The following PLA2R1 variants were observed in gnomAD, a reference collection of about 807,000 sequenced individuals.
PLA2R1 encodes the protein secretory phospholipase A2 receptor.
PLA2R1 carries 158 observed loss-of-function variants against 195.9 expected under a neutral mutation model. That is an observed-to-expected ratio of 0.81 (90% CI 0.71 to 0.92). PLA2R1 has a LOEUF of 0.92. Among genes scored for constraint, PLA2R1 ranks in the 40% least tolerant of loss-of-function variants. The pLI is 0.00. For missense variants in PLA2R1, 1,626 were observed against 1,764.6 expected, an observed-to-expected ratio of 0.92 and a Z score of 1.41; for synonymous variants, 586 against 598.2, an observed-to-expected ratio of 0.98 and a Z score of 0.30.
Position 159,994,866 on chromosome 2 carries a change from G to A in PLA2R1, c.1835-7508C>T, listed in dbSNP as rs192245762. ...GAAATGCGTGACAGGAATGATAGGA[G>A]GGATGAGAGGGACTTTGGGTGGTTC... On this transcript the variant is annotated intron_variant, in intron 11 of 29. Transcript: ENST00000283243. Among the ~76,000 whole-genome samples the A allele has an allele frequency of 2.8e-3, 421 of 152,072 alleles. 5 individuals carry two copies. The highest frequency in any genetic ancestry group is 0.01 in the Middle Eastern group (3 of 294).
chr2:159,954,062 G>A (rs1044970283), intron 23 of PLA2R1, among the ~76,000 whole-genome samples: 9 of 152,164 alleles, frequency 5.9e-5, no homozygotes, highest in African/African-American at 2.2e-4. Context: ...TTGAACTCCT[G>A]AGCTCAGTCA....
At chr2:159,966,608 G>A (rs1475380380) in intron 20 of PLA2R1, among the ~76,000 whole-genome samples, 1 of 152,154 alleles carries the variant, frequency 6.6e-6, no homozygotes, top group East Asian at 1.9e-4. Context: ...CAATGAATGT[G>A]TGAAAAATCC....
At chr2:160,051,650 G>A (rs980183874) in intron 1 of PLA2R1, among the ~76,000 whole-genome samples, 1 of 152,192 alleles carries the variant, frequency 6.6e-6, no homozygotes, top group Non-Finnish European at 1.5e-5. Flanking sequence ...TCTGTAGCAG[G>A]AAGGAATACT....
intron 10 of PLA2R1, among the ~76,000 whole-genome samples, chr2:160,012,118 C>T (rs1692405486): frequency 6.6e-6 from 1 of 152,142 alleles, no homozygotes; most frequent in African/African-American, 2.4e-5. Flanking sequence ...TACAGGAATT[C>T]CTCTACAAAT....
At chr2:159,953,983 G>A (rs1402281574) in intron 23 of PLA2R1, among the ~76,000 whole-genome samples, 1 of 152,098 alleles carries the variant, frequency 6.6e-6, no homozygotes, top group Non-Finnish European at 1.5e-5. Context: ...ACAGGCACCT[G>A]CCACCACGCC....
chr2:159,949,671 C>T lies in PLA2R1; in HGVS notation c.3646G>A (p.Gly1216Arg), dbSNP rs140818982. 3.1e-5 allele frequency: 50 copies of T among 1,613,976 alleles called. No individual in the cohort carries two copies. In the African/African-American group the frequency reaches 4.9e-4, roughly 16 times the overall value. The change falls in exon 25 of 30, where the codon GGA becomes AGA. Residue 1216 changes from glycine (G) to arginine (R), a missense_variant. Physicochemically the swap from Gly to Arg is moderately radical, Grantham distance 125. Coordinates refer to ENST00000283243, the MANE Select transcript of PLA2R1 (RefSeq NM_007366.5). ...TCGCAGGCTGTGCTATGCCAGCGTC[C>T]GTTGCTGTCGGCAAAAACGCAGTCA... ...LGDCVFADSN[G>R]RWHSTACESF...
intron 1 of PLA2R1, among the ~76,000 whole-genome samples, chr2:160,059,507 C>T (rs781323506): frequency 1.3e-5 from 2 of 152,180 alleles, no homozygotes; most frequent in Non-Finnish European, 2.9e-5. Context: ...GAGCTACTGA[C>T]TGGCAAAATA....
intron 28 of PLA2R1, among the ~76,000 whole-genome samples, chr2:159,942,652 C>T (rs1365689558): frequency 6.6e-6 from 1 of 152,186 alleles, no homozygotes; most frequent in African/African-American, 2.4e-5. Context: ...ATCTTCTCAC[C>T]TTTGTGATCT....
downstream of PLA2R1, among the ~76,000 whole-genome samples, chr2:159,927,352 G>C (rs1340270519): frequency 6.6e-6 from 1 of 152,096 alleles, no homozygotes; most frequent in East Asian, 1.9e-4. Flanking sequence ...GATCAGGTTG[G>C]ATGCAAATCA....
intron 11 of PLA2R1, among the ~76,000 whole-genome samples, chr2:159,988,128 A>G (rs1360439933): frequency 6.8e-6 from 1 of 146,748 alleles, no homozygotes; most frequent in Non-Finnish European, 1.5e-5. Flanking sequence ...TAAGATTGTC[A>G]GCAAAATCTA....
At position 159,984,078 on chromosome 2, in the gene PLA2R1, A is replaced by G. The variant is rs1690155194; in HGVS notation, c.2038-5T>C. 2 of 1,386,654 alleles carry G rather than the reference A, an allele frequency of 1.4e-6. No individual in the cohort carries two copies. The highest frequency in any genetic ancestry group is 1.9e-5 in the Admixed American group (1 of 51,316). The allele number at this position is 1,386,654 out of a possible 1,614,324, so 85.9% of individuals were successfully genotyped here. ...AACTTTTTCACTATGAAATACCTGT[A>G]TAGTAAAAGAAAATAAATTAACATT... On this transcript the variant is annotated splice_region_variant and splice_polypyrimidine_tract_variant and intron_variant, in intron 12 of 29. Coordinates refer to ENST00000283243, the MANE Select transcript of PLA2R1 (RefSeq NM_007366.5).
At chr2:160,037,928 G>A (rs775634927) in intron 3 of PLA2R1, among the ~76,000 whole-genome samples, 15 of 152,158 alleles carry the variant, frequency 9.9e-5, no homozygotes, top group Non-Finnish European at 1.3e-4. Context: ...AATTTCATCA[G>A]GGCAGGCACT....
rs1487728833 is a variant in PLA2R1, at chr2:159,937,621, C to A, written c.*4157G>T. 1 of 152,230 alleles carries A rather than the reference C, an allele frequency of 6.6e-6. No individual in the cohort carries two copies. Among genetic ancestry groups the A allele is most frequent in the African/African-American group, 2.4e-5 (1 of 41,460 alleles). The allele number at this position is 152,230 out of a possible 1,614,324, so 9.4% of individuals were successfully genotyped here. A position where few individuals can be genotyped will look rare whatever the true frequency, so the allele number is the denominator to read the frequency against. On this transcript the variant is annotated 3_prime_UTR_variant, in exon 30 of 30. Coordinates refer to ENST00000283243, the MANE Select transcript of PLA2R1 (RefSeq NM_007366.5). Reference sequence around the variant, plus strand: ...ATAAGATGTTAGGTTCTTGGCAACACATGCTTCACTTTGCTTTCACCAGAC... The same window carrying A: ...ATAAGATGTTAGGTTCTTGGCAACAAATGCTTCACTTTGCTTTCACCAGAC...
Position 159,979,811 on chromosome 2 carries a change from C to G in PLA2R1, c.2268+19G>C, listed in dbSNP as rs746319460. 6.9e-7 allele frequency: 1 copy of G among 1,445,584 alleles called. No individual in the cohort carries two copies. The highest frequency in any genetic ancestry group is 1.7e-5 in the Admixed American group (1 of 58,264). The allele number at this position is 1,445,584 out of a possible 1,614,324, so 89.5% of individuals were successfully genotyped here. A position where few individuals can be genotyped will look rare whatever the true frequency, so the allele number is the denominator to read the frequency against. ...CTTGTTTTGAATCCATCCCTTTTCT[C>G]CAGTTTGAAAAGACTTACAGGAGTT... On this transcript the variant is annotated intron_variant, in intron 14 of 29. Transcript: ENST00000283243.
chr2:160,025,407 T>C (rs72966307), intron 6 of PLA2R1, among the ~76,000 whole-genome samples: 18,723 of 151,900 alleles, frequency 0.12, 1,252 homozygotes, highest in South Asian at 0.17. Flanking sequence ...AACATAACTA[T>C]AGCTACAATA....
At chr2:160,052,398 G>GA (rs1432852538) in intron 1 of PLA2R1, among the ~76,000 whole-genome samples, 2 of 152,204 alleles carry the variant, frequency 1.3e-5, no homozygotes, top group African/African-American at 4.8e-5. Flanking sequence ...GACCCTGGCA[G>GA]AAAATCTCTC....
chr2:159,967,386 G>A (rs954170022), intron 20 of PLA2R1, among the ~76,000 whole-genome samples, 153 bp downstream of exon 20: 8 of 152,108 alleles, frequency 5.3e-5, no homozygotes, highest in Non-Finnish European at 1.2e-4. Context: ...GTTACTAAAT[G>A]GAAAACTCAA....
chr2:160,028,324 T>G lies in PLA2R1; in HGVS notation c.993A>C (p.Gly331=). The change falls in exon 6 of 30, where the codon GGA becomes GGC. Residue 331 remains glycine, a synonymous_variant. Transcript: ENST00000283243. The part of the protein sequence containing the change: ...NFEPFVEDHC[G]TFSSFMPSAW... ...CACTTGGCATAAATGAACTAAATGT[T>G]CCACAGTGATCTTCAACAAATGGCT... 6.2e-7 allele frequency: 1 copy of G among 1,609,014 alleles called. No individual in the cohort carries two copies. Among genetic ancestry groups the G allele is most frequent in the Admixed American group, 1.7e-5 (1 of 59,516 alleles).
At chr2:159,942,068 G>A (rs551546304) in intron 29 of PLA2R1, 59 bp downstream of exon 29, 1 of 1,570,512 alleles carries the variant, frequency 6.4e-7, no homozygotes, top group East Asian at 2.2e-5. Flanking sequence ...TCATACAGCT[G>A]CTTTCTATCT....
Sources: allele counts gnomAD v4.1 joint callset (sites outside exome capture counted in the v4.1 genomes callset), GRCh38; gene constraint gnomAD v4.1.1; transcripts MANE v1.5; gene names NCBI Gene and HGNC (gene_info 2026-07-23, HGNC 2026-07-21).